IL1RAPL2: variants seen among roughly 807,000 people sequenced by gnomAD.
IL1RAPL2 encodes interleukin 1 receptor accessory protein like 2, also known as X-linked interleukin-1 receptor accessory protein-like 2.
IL1RAPL2 carries 3 observed loss-of-function variants against 44.1 expected under a neutral mutation model. The observed-to-expected ratio is 0.07, with a 90% confidence interval of 0.03 to 0.18. The LOEUF (loss-of-function observed/expected upper bound fraction) is 0.18. IL1RAPL2 is among the 10% of genes least tolerant of loss of function. IL1RAPL2 has a pLI of 1.00. For synonymous variants in IL1RAPL2, 181 were observed against 178.8 expected (o/e 1.01, Z -0.10); for missense variants, 391 against 496.4 (o/e 0.79, Z 2.02).
intron 6 of IL1RAPL2, among the ~76,000 whole-genome samples, chrX:105,651,877 C>T (rs754818782): frequency 1.2e-4 from 14 of 112,056 alleles, no homozygotes; most frequent in Non-Finnish European, 2.4e-4. Context: ...AATTTAATAA[C>T]TAATTATTGT....
intron 2 of IL1RAPL2, among the ~76,000 whole-genome samples, chrX:105,035,455 C>G (rs944355866): frequency 1.8e-5 from 2 of 112,070 alleles, no homozygotes; most frequent in African/African-American, 6.5e-5. Flanking sequence ...TCTAATTATT[C>G]ACATAAAGGG....
chrX:104,704,068 G>A (rs1288626456), intron 2 of IL1RAPL2, among the ~76,000 whole-genome samples: 3 of 111,755 alleles, frequency 2.7e-5, no homozygotes, highest in Non-Finnish European at 5.6e-5. Flanking sequence ...TCCTAATTTG[G>A]GGATAAGGAT....
At chrX:104,847,800 C>T (rs188912607) in intron 2 of IL1RAPL2, among the ~76,000 whole-genome samples, 5 of 111,762 alleles carry the variant, frequency 4.5e-5, no homozygotes, top group Admixed American at 2.9e-4. Flanking sequence ...GCCATTTTCA[C>T]GATGTTGATT....
intron 6 of IL1RAPL2, among the ~76,000 whole-genome samples, chrX:105,533,954 T>C (rs957012174): frequency 2.7e-5 from 3 of 112,194 alleles, no homozygotes; most frequent in African/African-American, 9.7e-5. Context: ...AGAACTTCAT[T>C]GTGCAGTTTT....
chrX:105,327,243 A>G (rs1046869039), intron 5 of IL1RAPL2, among the ~76,000 whole-genome samples: 5 of 111,906 alleles, frequency 4.5e-5, no homozygotes, highest in Non-Finnish European at 9.4e-5. Context: ...ATTTTAGTGC[A>G]CAGAAGCTAG....
rs189723991 is a variant in IL1RAPL2, at chrX:105,089,281, C to T, written c.83-106194C>T. ...AGGAAGTTTAAATGTCCCTTATTAT[C>T]CCCAACCTCAACTCCAAAACCTTTT... On this transcript the variant is annotated intron_variant, in intron 2 of 10. Coordinates refer to ENST00000372582, the MANE Select transcript of IL1RAPL2 (RefSeq NM_017416.2). Among the ~76,000 whole-genome samples, 13 of 111,149 alleles carry T rather than the reference C, an allele frequency of 1.2e-4. No individual in the cohort carries two copies. In the East Asian group the frequency reaches 3.7e-3, roughly 32 times the overall value.
Position 105,767,705 on chromosome X carries a change from A to T in IL1RAPL2, c.*44A>T. On this transcript the variant is annotated 3_prime_UTR_variant, in exon 11 of 11. Coordinates refer to ENST00000372582, the MANE Select transcript of IL1RAPL2 (RefSeq NM_017416.2). Reference sequence around the variant, plus strand: ...CTGAACAGCTAGATAAGCATAGAGAATTTCTGTTATACCAAGCATAAAGTA... The same window carrying T: ...CTGAACAGCTAGATAAGCATAGAGATTTTCTGTTATACCAAGCATAAAGTA... 1 of 930,448 alleles carries T rather than the reference A, an allele frequency of 1.1e-6. No individual in the cohort carries two copies. Among genetic ancestry groups the T allele is most frequent in the Non-Finnish European group, 1.5e-6 (1 of 652,544 alleles). The allele number at this position is 930,448 out of a possible 1,213,427, so 76.7% of individuals were successfully genotyped here. A position where few individuals can be genotyped will look rare whatever the true frequency, so the allele number is the denominator to read the frequency against.
At position 105,076,591 on chromosome X, in the gene IL1RAPL2, A is replaced by G. The variant is rs1235311623; in HGVS notation, c.83-118884A>G. Among the ~76,000 whole-genome samples the G allele has an allele frequency of 4.5e-5, 5 of 110,786 alleles. No homozygotes were observed. In the East Asian group the frequency reaches 1.1e-3, roughly 25 times the overall value. On this transcript the variant is annotated intron_variant, in intron 2 of 10. Transcript: ENST00000372582. ...GTGCAGAGCTGAGTTCAACTCCTGG[A>G]TATCCTTGTTAACTTTCTGTCTCGT...
intron 5 of IL1RAPL2, among the ~76,000 whole-genome samples, chrX:105,360,774 A>G (rs1223124753): frequency 9.0e-6 from 1 of 111,379 alleles, no homozygotes; most frequent in Non-Finnish European, 1.9e-5. Flanking sequence ...ATGATATGTT[A>G]TTATAATATT....
intron 6 of IL1RAPL2, among the ~76,000 whole-genome samples, chrX:105,506,034 G>C (rs2036428815): frequency 9.0e-6 from 1 of 111,394 alleles, no homozygotes; most frequent in Non-Finnish European, 1.9e-5. Flanking sequence ...AAATGCAGTA[G>C]TGAGCCAAAA....
At chrX:105,320,433 G>C (rs2034888449) in intron 5 of IL1RAPL2, among the ~76,000 whole-genome samples, 1 of 111,943 alleles carries the variant, frequency 8.9e-6, no homozygotes, top group Admixed American at 9.4e-5. Context: ...CATTCAGTAA[G>C]GTGGGGGGAG....
chrX:105,325,246 C>T (rs1179222668), intron 5 of IL1RAPL2, among the ~76,000 whole-genome samples: 5 of 110,521 alleles, frequency 4.5e-5, no homozygotes, highest in Non-Finnish European at 9.4e-5. Flanking sequence ...TCTTTTCTGT[C>T]TCTATACATT....
intron 4 of IL1RAPL2, among the ~76,000 whole-genome samples, chrX:105,241,273 G>T (rs914667085): frequency 9.0e-6 from 1 of 110,988 alleles, no homozygotes; most frequent in African/African-American, 3.3e-5. Flanking sequence ...TTATGAAATA[G>T]AATTCCATGT....
In IL1RAPL2 at chrX:105,234,513, C is replaced by G. The variant is rs548993345; in HGVS notation, c.543+509C>G. Among the ~76,000 whole-genome samples the G allele has an allele frequency of 3.6e-5, 4 of 111,887 alleles. No individual in the cohort carries two copies. The South Asian group carries it at 1.1e-3, about 31-fold the overall frequency. ...AAATAAACCACACTCAAAGGTTGAA[C>G]AGAAGAGAATTGTGGCCAGGTGCAG... On this transcript the variant is annotated intron_variant, in intron 4 of 10. Coordinates refer to ENST00000372582, the MANE Select transcript of IL1RAPL2 (RefSeq NM_017416.2).
At position 105,376,491 on chromosome X, in the gene IL1RAPL2, A is replaced by G. The variant is rs2035388296; in HGVS notation, c.698-107822A>G. On this transcript the variant is annotated intron_variant, in intron 5 of 10. Coordinates refer to ENST00000372582, the MANE Select transcript of IL1RAPL2 (RefSeq NM_017416.2). Reference sequence around the variant, plus strand: ...TTTGATTGGCTGAAAAATGGCAGCTACCTTACTCTGGAGCTTCTAAGTCTG... The same window carrying G: ...TTTGATTGGCTGAAAAATGGCAGCTGCCTTACTCTGGAGCTTCTAAGTCTG... 4.5e-5 allele frequency among the ~76,000 whole-genome samples: 5 copies of G among 111,919 alleles called. No homozygotes were observed. In the South Asian group the frequency reaches 1.9e-3, roughly 42 times the overall value.
At chrX:105,414,460 T>C (rs2035718577) in intron 5 of IL1RAPL2, among the ~76,000 whole-genome samples, 1 of 112,013 alleles carries the variant, frequency 8.9e-6, no homozygotes, top group Non-Finnish European at 1.9e-5. Context: ...GCCTTCAATG[T>C]CTTCCCACTA....
At chrX:105,618,144 C>T (rs551471285) in intron 6 of IL1RAPL2, among the ~76,000 whole-genome samples, 1 of 108,975 alleles carries the variant, frequency 9.2e-6, no homozygotes, top group Non-Finnish European at 1.9e-5. Context: ...CACACACACA[C>T]ACAATCACAT....
chrX:105,437,199 T>C (rs1045343868), intron 5 of IL1RAPL2, among the ~76,000 whole-genome samples: 3 of 110,190 alleles, frequency 2.7e-5, no homozygotes, highest in Non-Finnish European at 1.9e-5. Flanking sequence ...TACATTTACA[T>C]GTCAGGTTTC....
At chrX:105,615,766 A>G (rs1021378639) in intron 6 of IL1RAPL2, among the ~76,000 whole-genome samples, 6 of 112,142 alleles carry the variant, frequency 5.4e-5, no homozygotes, top group African/African-American at 1.9e-4. Flanking sequence ...ATTTGCTAGC[A>G]CAACAGGGTG....
Sources: gnomAD v4.1 joint callset for allele counts (sites outside exome capture counted in the v4.1 genomes callset) on GRCh38, gnomAD v4.1.1 for gene constraint, MANE v1.5 for transcripts, NCBI Gene and HGNC (gene_info 2026-07-23, HGNC 2026-07-21) for gene names.